Variants in WWOX observed in about 807,000 individuals in gnomAD.
WWOX encodes WW domain containing oxidoreductase, also known as WW domain-containing oxidoreductase.
In WWOX, 69 loss-of-function variants were observed where a neutral mutation model predicts 46.2. The observed-to-expected ratio is 1.49, with a 90% CI of 1.23 to 1.82. The LOEUF is 1.82. Among genes scored for constraint, WWOX ranks in the 40% most tolerant of loss-of-function variants. The pLI is 0.00. For missense variants in WWOX, 919 were observed against 542.6 expected (o/e 1.69, Z -6.89); for synonymous variants, 359 against 202.6 (o/e 1.77, Z -6.56).
chr16:78,758,115 A>G (rs892649557), intron 8 of WWOX, among the ~76,000 whole-genome samples: 3 of 151,164 alleles, frequency 2.0e-5, no homozygotes, highest in Non-Finnish European at 4.5e-5. Flanking sequence ...CTTTAAATCA[A>G]TTCATAGATT....
chr16:78,435,704 T>A (rs922483283), intron 8 of WWOX, among the ~76,000 whole-genome samples: 1 of 152,148 alleles, frequency 6.6e-6, no homozygotes, highest in Non-Finnish European at 1.5e-5. Flanking sequence ...AGTGGCAACC[T>A]GGGACAGTGG....
At chr16:79,164,099 G>C (rs770989045) in intron 8 of WWOX, among the ~76,000 whole-genome samples, 1 of 152,116 alleles carries the variant, frequency 6.6e-6, no homozygotes, top group Non-Finnish European at 1.5e-5. Context: ...GCTTTTCCTC[G>C]GTGCCACTTT....
Position 78,374,988 on chromosome 16 carries a change from A to G in WWOX, c.517-11872A>G, listed in dbSNP as rs1050407153. On this transcript the variant is annotated intron_variant, in intron 5 of 8. Coordinates refer to ENST00000566780, the MANE Select transcript of WWOX (RefSeq NM_016373.4). ...GGCGTGAGCCACTGCGCCTGTCTACATTTTCTGTCTTTACTGGTATTATGG... is the reference window on the plus strand; with the variant it reads ...GGCGTGAGCCACTGCGCCTGTCTACGTTTTCTGTCTTTACTGGTATTATGG... Among the ~76,000 whole-genome samples, 4 of 152,012 alleles carry G rather than the reference A, an allele frequency of 2.6e-5. No individual in the cohort carries two copies. In the East Asian group the frequency reaches 5.8e-4, roughly 22 times the overall value.
rs114375811 is a variant in WWOX, at chr16:79,127,630, G to T, written c.1057-83978G>T. On this transcript the variant is annotated intron_variant, in intron 8 of 8. Coordinates refer to ENST00000566780, the MANE Select transcript of WWOX (RefSeq NM_016373.4). Reference sequence around the variant, plus strand: ...CATGTATTTGCAGGATTGAGTCTTAGAAATAGCAGCATCGGCTGAGAGAGT... The same window carrying T: ...CATGTATTTGCAGGATTGAGTCTTATAAATAGCAGCATCGGCTGAGAGAGT... Among the ~76,000 whole-genome samples the T allele has an allele frequency of 5.3e-3, 810 of 152,270 alleles. 3 individuals carry two copies. Among genetic ancestry groups the T allele is most frequent in the African/African-American group, 0.019 (769 of 41,550 alleles).
intron 8 of WWOX, among the ~76,000 whole-genome samples, chr16:79,173,130 T>G (rs2050733630): frequency 6.6e-6 from 1 of 152,224 alleles, no homozygotes; most frequent in Non-Finnish European, 1.5e-5. Flanking sequence ...TTAATCACAT[T>G]TGACACACAT....
chr16:78,734,969 G>A (rs1273034935), intron 8 of WWOX, among the ~76,000 whole-genome samples: 3 of 143,126 alleles, frequency 2.1e-5, no homozygotes, highest in African/African-American at 5.2e-5. Context: ...AGGTTCAAGC[G>A]ATTCTCCTGC....
intron 8 of WWOX, among the ~76,000 whole-genome samples, chr16:79,100,665 A>C (rs1469879343): frequency 6.6e-6 from 1 of 152,116 alleles, no homozygotes; most frequent in East Asian, 1.9e-4. Context: ...TGACAGTTTA[A>C]TTCAGTACCT....
chr16:78,402,386 T>C (rs2082434285), intron 6 of WWOX, among the ~76,000 whole-genome samples: 1 of 152,240 alleles, frequency 6.6e-6, no homozygotes, highest in Admixed American at 6.5e-5. Context: ...GTCAGTCGGA[T>C]ATTTCTGTTG....
intron 8 of WWOX, among the ~76,000 whole-genome samples, chr16:78,740,173 G>C (rs1453911341): frequency 1.3e-5 from 2 of 152,112 alleles, no homozygotes; most frequent in Non-Finnish European, 2.9e-5. Flanking sequence ...CCATTTCTTA[G>C]AGAGTGAGCT....
intron 8 of WWOX, among the ~76,000 whole-genome samples, chr16:78,466,686 A>G (rs925007475): frequency 3.3e-5 from 5 of 152,100 alleles, no homozygotes; most frequent in Non-Finnish European, 5.9e-5. Flanking sequence ...CGTCTCTACT[A>G]TAAATACAAA....
intron 8 of WWOX, among the ~76,000 whole-genome samples, chr16:79,168,752 G>C (rs8046276): frequency 0.49 from 74,438 of 151,990 alleles, 18,875 homozygotes; most frequent in East Asian, 0.74. Context: ...CAAGTCCCAG[G>C]AAAGTCATTC....
At chr16:78,368,695 T>TC (rs927295705) in intron 5 of WWOX, among the ~76,000 whole-genome samples, 1 of 151,618 alleles carries the variant, frequency 6.6e-6, no homozygotes, top group African/African-American at 2.4e-5. Context: ...TCCCTTCCCC[T>TC]CCCCCCTCTA....
Position 78,343,864 on chromosome 16 carries a change from TCTG to T in WWOX, c.517-42992_517-42990del, listed in dbSNP as rs1356586040. Among the ~76,000 whole-genome samples, 4 of 119,900 alleles carry T rather than the reference TCTG, an allele frequency of 3.3e-5. 1 individual carries two copies. In the East Asian group the frequency reaches 7.7e-4, roughly 23 times the overall value. 78.7% of individuals were successfully genotyped at this position (119,900 alleles called of 152,430 possible). On this transcript the variant is annotated intron_variant, in intron 5 of 8. Transcript: ENST00000566780. ...CGTTTTGGGCTTGAAAAGTTTTCCT[TCTG>T]CTGAGAAATGATGATGGTGACAATG...
intron 8 of WWOX, among the ~76,000 whole-genome samples, chr16:78,704,401 A>T (rs1006193925): frequency 2.0e-5 from 3 of 152,158 alleles, no homozygotes; most frequent in Non-Finnish European, 4.4e-5. Flanking sequence ...TTTTATACAT[A>T]TAATGCACAA....
In WWOX at chr16:78,766,890, T is replaced by C. The variant is rs1019392639; in HGVS notation, c.1056+334138T>C. 3.9e-5 allele frequency among the ~76,000 whole-genome samples: 6 copies of C among 152,320 alleles called. No homozygotes were observed. In the South Asian group the frequency reaches 1.2e-3, roughly 32 times the overall value. ...GTTGTGTAACCATCAGCATTACCTA[T>C]ACCTAAAATATTTTCATCACATCTT... On this transcript the variant is annotated intron_variant, in intron 8 of 8. Transcript: ENST00000566780.
chr16:78,497,608 A>C (rs2084948238), intron 8 of WWOX, among the ~76,000 whole-genome samples: 1 of 152,226 alleles, frequency 6.6e-6, no homozygotes, highest in Non-Finnish European at 1.5e-5. Flanking sequence ...GCGTAAATGC[A>C]AGAAAAGAAT....
Position 79,212,221 on chromosome 16 carries a change from G to A in WWOX, c.*425G>A. ...CCTACTTAGGGAAGAAAAAGCAAGT[G>A]TTCACTGCTCCTTGCTGCATTGATC... is the stretch of plus-strand genomic sequence containing the variant. On this transcript the variant is annotated 3_prime_UTR_variant, in exon 9 of 9. Coordinates refer to ENST00000566780, the MANE Select transcript of WWOX (RefSeq NM_016373.4). 7.1e-7 allele frequency: 1 copy of A among 1,403,564 alleles called. No individual in the cohort carries two copies. The highest frequency in any genetic ancestry group is 2.4e-4 in the Middle Eastern group (1 of 4,084). 86.9% of individuals were successfully genotyped at this position (1,403,564 alleles called of 1,614,324 possible).
At chr16:78,265,627 G>A (rs1230559568) in intron 5 of WWOX, among the ~76,000 whole-genome samples, 1 of 151,426 alleles carries the variant, frequency 6.6e-6, no homozygotes, top group Middle Eastern at 3.4e-3. Context: ...GCAGTCAGCT[G>A]AGATTGTGCC....
intron 8 of WWOX, among the ~76,000 whole-genome samples, chr16:79,138,769 A>G (rs1200347683): frequency 1.3e-5 from 2 of 152,178 alleles, no homozygotes; most frequent in East Asian, 3.9e-4. Flanking sequence ...TGAGACTGAC[A>G]TCTCATTTCT....
Sources: allele counts gnomAD v4.1 joint callset (sites outside exome capture counted in the v4.1 genomes callset), GRCh38; gene constraint gnomAD v4.1.1; transcripts MANE v1.5; gene names NCBI Gene and HGNC (gene_info 2026-07-23, HGNC 2026-07-21).